SLC24A2: variants seen among roughly 807,000 people sequenced by gnomAD.
SLC24A2 encodes sodium/potassium/calcium exchanger 2.
SLC24A2 carries 36 observed loss-of-function variants against 62.0 expected under a neutral mutation model. The ratio of observed to expected loss-of-function variants is 0.58; its 90% CI spans 0.44 to 0.77. The LOEUF is 0.77. Ranked by LOEUF, SLC24A2 falls within the 30% of genes least tolerant of loss-of-function variation. The pLI, the probability that SLC24A2 is intolerant of heterozygous loss-of-function variation, is 0.00. For missense variants in SLC24A2, 846 were observed against 817.9 expected (o/e 1.03, Z -0.42); for synonymous variants, 358 against 294.0 (o/e 1.22, Z -2.23).
intron 2 of SLC24A2, among the ~76,000 whole-genome samples, chr9:19,707,369 C>G (rs951015906): frequency 3.9e-5 from 6 of 152,158 alleles, no homozygotes; most frequent in Non-Finnish European, 7.3e-5. Context: ...CTATTCCAAT[C>G]AATAGAAAAA....
the SLC24A2 span, among the ~76,000 whole-genome samples, chr9:19,998,595 C>G: frequency 1.3e-5 from 2 of 152,270 alleles, no homozygotes; most frequent in East Asian, 3.9e-4. Flanking sequence ...TTAAGCAGGC[C>G]CCGCTTCCTA....
At chr9:20,157,962 T>C in the SLC24A2 span, among the ~76,000 whole-genome samples, 1 of 151,502 alleles carries the variant, frequency 6.6e-6, no homozygotes, top group Non-Finnish European at 1.5e-5. Context: ...AAGAAGAAAG[T>C]AAGCAAACAA....
At chr9:20,189,092 T>TTTTC in the SLC24A2 span, among the ~76,000 whole-genome samples, 2 of 142,862 alleles carry the variant, frequency 1.4e-5, no homozygotes, top group African/African-American at 2.6e-5. Flanking sequence ...TTTTTTTTTT[T>TTTTC]CCCAGTTGAT....
the SLC24A2 span, among the ~76,000 whole-genome samples, chr9:20,019,155 A>AAGAAAGAAAGAAAGAAAGAAAGAGAG: frequency 3.4e-5 from 4 of 117,186 alleles, no homozygotes; most frequent in African/African-American, 9.3e-5. Context: ...GAAAGAAAGA[A>AAGAAAGAAAGAAAGAAAGAAAGAGAG]AGAGAGAGAG....
At chr9:20,108,399 G>A in the SLC24A2 span, among the ~76,000 whole-genome samples, 4 of 151,808 alleles carry the variant, frequency 2.6e-5, no homozygotes, top group South Asian at 4.2e-4. Context: ...ACATGCACAC[G>A]TATGTTTATT....
intron 2 of SLC24A2, among the ~76,000 whole-genome samples, chr9:19,749,692 A>T (rs1821928509): frequency 6.6e-6 from 1 of 152,204 alleles, no homozygotes; most frequent in African/African-American, 2.4e-5. Flanking sequence ...CAAATATTGC[A>T]TGGGATAAAC....
At chr9:20,096,796 T>C in the SLC24A2 span, among the ~76,000 whole-genome samples, 21 of 152,338 alleles carry the variant, frequency 1.4e-4, no homozygotes, top group African/African-American at 5.1e-4. Flanking sequence ...GGAAATTCTT[T>C]ACAAATTTTT....
At chr9:19,752,713 AGAGG>A (rs989895838) in intron 2 of SLC24A2, among the ~76,000 whole-genome samples, 3 of 142,828 alleles carry the variant, frequency 2.1e-5, no homozygotes, top group African/African-American at 5.1e-5. Flanking sequence ...AGAGAGAGAG[AGAGG>A]GAGAATGAAT....
chr9:20,303,535 A>G, the SLC24A2 span, among the ~76,000 whole-genome samples: 3 of 152,200 alleles, frequency 2.0e-5, no homozygotes, highest in Non-Finnish European at 4.4e-5. Flanking sequence ...TTTAAGGGCC[A>G]CAAAAGATGA....
chr9:19,918,997 T>C, the SLC24A2 span, among the ~76,000 whole-genome samples: 2 of 152,194 alleles, frequency 1.3e-5, no homozygotes, highest in African/African-American at 4.8e-5. Flanking sequence ...GATCTGAAGA[T>C]AGGAGGTGAG....
chr9:19,730,022 A>G (rs1004516570), intron 2 of SLC24A2, among the ~76,000 whole-genome samples: 9 of 152,134 alleles, frequency 5.9e-5, no homozygotes, highest in African/African-American at 2.2e-4. Context: ...AAAACGTAAA[A>G]TTAAAAAAAA....
At chr9:19,591,772 G>A (rs954973541) in intron 5 of SLC24A2, among the ~76,000 whole-genome samples, 1 of 152,192 alleles carries the variant, frequency 6.6e-6, no homozygotes, top group Non-Finnish European at 1.5e-5. Flanking sequence ...TGTCTTGTCT[G>A]CTACTCGAAT....
chr9:19,507,565 A>C lies in SLC24A2; in HGVS notation c.*8588T>G, dbSNP rs2132592885. 6.6e-6 allele frequency: 1 copy of C among 152,328 alleles called. No homozygotes were observed. The highest frequency in any genetic ancestry group is 1.9e-4 in the East Asian group (1 of 5,188). 9.4% of individuals were successfully genotyped at this position (152,328 alleles called of 1,614,324 possible). ...CAGTAGTAGAAGCACAAAGGTATGG[A>C]CAGTGAAACAAGAAGAAACACCCTT... On this transcript the variant is annotated 3_prime_UTR_variant, in exon 11 of 11. Transcript: ENST00000341998.
chr9:20,298,701 T>C, the SLC24A2 span, among the ~76,000 whole-genome samples: 1 of 152,238 alleles, frequency 6.6e-6, no homozygotes, highest in Non-Finnish European at 1.5e-5. Flanking sequence ...ACTAAGTGCT[T>C]TGTATGTACT....
At chr9:19,947,808 A>AAAAAAAAGAAAGAAAGAAAGAAAG in the SLC24A2 span, among the ~76,000 whole-genome samples, 1 of 59,226 alleles carries the variant, frequency 1.7e-5, no homozygotes, top group African/African-American at 8.0e-5. Flanking sequence ...AAAAAAAAAA[A>AAAAAAAAGAAAGAAAGAAAGAAAG]AAAGAAAGAA....
the SLC24A2 span, among the ~76,000 whole-genome samples, chr9:19,982,589 C>T: frequency 2.0e-5 from 3 of 152,054 alleles, no homozygotes; most frequent in South Asian, 2.1e-4. Context: ...GCTTCACTGG[C>T]GAATTCTACC....
At chr9:20,047,889 A>G in the SLC24A2 span, among the ~76,000 whole-genome samples, 37 of 151,888 alleles carry the variant, frequency 2.4e-4, no homozygotes, top group African/African-American at 8.7e-4. Context: ...TTTGTTTGTA[A>G]TAGATAAATA....
At chr9:20,190,738 T>C in the SLC24A2 span, among the ~76,000 whole-genome samples, 2 of 152,100 alleles carry the variant, frequency 1.3e-5, no homozygotes, top group African/African-American at 4.8e-5. Context: ...AAATAAAAAT[T>C]AAAAAAATCC....
At chr9:20,225,645 A>T in the SLC24A2 span, among the ~76,000 whole-genome samples, 1 of 140,896 alleles carries the variant, frequency 7.1e-6, no homozygotes, top group African/African-American at 2.8e-5. Flanking sequence ...TATCTCCCTG[A>T]TGCACTCCTG....
Sources: gnomAD v4.1 joint callset for allele counts (sites outside exome capture counted in the v4.1 genomes callset) on GRCh38, gnomAD v4.1.1 for gene constraint, MANE v1.5 for transcripts, NCBI Gene and HGNC (gene_info 2026-07-23, HGNC 2026-07-21) for gene names.